Variants in MGAM2 observed in about 807,000 individuals in gnomAD.
MGAM2 encodes probable maltase-glucoamylase 2.
A neutral mutation model predicts 96.1 loss-of-function variants in MGAM2; 98 were observed. The ratio of observed to expected loss-of-function variants is 1.02; its 90% CI spans 0.87 to 1.21. The LOEUF is 1.21. Ranked by LOEUF, MGAM2 falls within the 50% of genes most tolerant of loss-of-function variation. The pLI, the probability that MGAM2 is intolerant of heterozygous loss-of-function variation, is 0.00. For missense variants in MGAM2, 2,055 were observed against 1,182.4 expected, an observed-to-expected ratio of 1.74 and a Z score of -10.82; for synonymous variants, 749 against 414.8, an observed-to-expected ratio of 1.81 and a Z score of -9.79.
rs1340500085 is a variant in MGAM2 at position 142,143,869 on chromosome 7, A to G, written c.1418A>G (p.Asp473Gly). 1 of 702,884 alleles carries G rather than the reference A, an allele frequency of 1.4e-6. No homozygotes were observed. Among genetic ancestry groups the G allele is most frequent in the East Asian group, 2.7e-5 (1 of 37,276 alleles). The allele number at this position is 702,884 out of a possible 1,614,324, so 43.5% of individuals were successfully genotyped here. The change falls in exon 13 of 48, where the codon GAT becomes GGT. Residue 473 changes from aspartate (D) to glycine (G), a missense_variant. Asp to Gly is a moderately conservative substitution (Grantham distance 94). Coordinates refer to ENST00000477922, the MANE Select transcript of MGAM2 (RefSeq NM_001293626.2). Reference sequence around the variant, plus strand: ...AAATTTCATGATCATCTGGAGTTTGATGGAGTGTGGATTGTAAGTTATTAT... The same window carrying G: ...AAATTTCATGATCATCTGGAGTTTGGTGGAGTGTGGATTGTAAGTTATTAT... ...VAKFHDHLEF[D>G]GVWIEMNEVS...
At chr7:142,217,999 G>A (rs548734394) in intron 46 of MGAM2, among the ~76,000 whole-genome samples, 3 of 152,170 alleles carry the variant, frequency 2.0e-5, no homozygotes, top group South Asian at 2.1e-4. Flanking sequence ...CAGGAGAATC[G>A]CTTAAACCCA....
rs60052742 is a variant in MGAM2, at chr7:142,188,109, AACACACACAC to A, written c.4207+308_4207+317del. Among the ~76,000 whole-genome samples, 1,047 of 143,656 alleles carry A rather than the reference AACACACACAC, an allele frequency of 7.3e-3. 11 individuals carry two copies. The highest frequency in any genetic ancestry group is 0.024 in the African/African-American group (928 of 38,542). The allele number at this position is 143,656 out of a possible 152,430, so 94.2% of individuals were successfully genotyped here. A position where few individuals can be genotyped will look rare whatever the true frequency, so the allele number is the denominator to read the frequency against. On this transcript the variant is annotated intron_variant, in intron 36 of 47. Coordinates refer to ENST00000477922, the MANE Select transcript of MGAM2 (RefSeq NM_001293626.2). Reference sequence around the variant, plus strand: ...TGCTAAAATTTTAAATAAACCCTTAAACACACACACACACACACACACACACACACACACA... The same window carrying A: ...TGCTAAAATTTTAAATAAACCCTTAAACACACACACACACACACACACACA...
At chr7:142,160,020 TTC>T (rs2129086194) in intron 20 of MGAM2, 112 bp from the exon 21 acceptor site, 2 of 586,448 alleles carry the variant, frequency 3.4e-6, no homozygotes, top group South Asian at 4.3e-5. Flanking sequence ...CACTTTGGGG[TTC>T]TCTGTTTGTC....
At chr7:142,157,060 G>A (rs1795755912) in intron 17 of MGAM2, among the ~76,000 whole-genome samples, 1 of 152,148 alleles carries the variant, frequency 6.6e-6, no homozygotes, top group African/African-American at 2.4e-5. Flanking sequence ...TAATCTTTGG[G>A]ATAGGGAAAA....
chr7:142,131,365 G>A (rs1342700626), intron 4 of MGAM2, among the ~76,000 whole-genome samples, 153 bp from the exon 5 acceptor site: 2 of 152,192 alleles, frequency 1.3e-5, no homozygotes, highest in East Asian at 3.8e-4. Context: ...TTGAACCTGG[G>A]AGGTGGAGGT....
At position 142,148,271 on chromosome 7, in the gene MGAM2, C is replaced by T. The variant is rs74223548; in HGVS notation, c.1634+698C>T. On this transcript the variant is annotated intron_variant, in intron 15 of 47. Transcript: ENST00000477922. The surrounding 1 kb of genome is among the most constrained non-coding windows in gnomAD (Gnocchi z 4.2). ...CAGTTATCACCACCATCCCCCCCACCACCACAATCACTATCACCATCACCA... is the reference window on the plus strand; with the variant it reads ...CAGTTATCACCACCATCCCCCCCACTACCACAATCACTATCACCATCACCA... Among the ~76,000 whole-genome samples, 33,822 of 151,306 alleles carry T rather than the reference C, an allele frequency of 0.22. 4,342 individuals carry two copies. Among genetic ancestry groups the T allele is most frequent in the Non-Finnish European group, 0.28 (18,767 of 67,704 alleles).
chr7:142,194,311 C>T (rs1057134363), intron 37 of MGAM2, among the ~76,000 whole-genome samples: 9 of 152,210 alleles, frequency 5.9e-5, no homozygotes, highest in African/African-American at 1.9e-4. Context: ...GGAATACAGG[C>T]GTGAGCCACT....
At chr7:142,182,550 G>C (rs377506655) in intron 32 of MGAM2, among the ~76,000 whole-genome samples, 1 of 152,160 alleles carries the variant, frequency 6.6e-6, no homozygotes, top group African/African-American at 2.4e-5. Flanking sequence ...GAACCTTCTC[G>C]TCTCCGCACA....
At chr7:142,135,828 GT>G (rs1795042623) in intron 7 of MGAM2, among the ~76,000 whole-genome samples, 1 of 150,666 alleles carries the variant, frequency 6.6e-6, no homozygotes, top group South Asian at 2.1e-4. Flanking sequence ...CTTTCTATCA[GT>G]TTTAAGCTTT....
At chr7:142,199,836 C>T in intron 44 of MGAM2, 44 bp from the exon 45 acceptor site, 1 of 656,530 alleles carries the variant, frequency 1.5e-6, no homozygotes, top group Non-Finnish European at 2.7e-6. Flanking sequence ...ATTCTTACAA[C>T]CTACAATCTA....
At chr7:142,136,742 C>A in intron 8 of MGAM2, 102 bp downstream of exon 8, 1 of 544,036 alleles carries the variant, frequency 1.8e-6, no homozygotes, top group South Asian at 2.6e-5. Flanking sequence ...GAACAGAAGG[C>A]ATTTTGAACC....
At chr7:142,191,171 A>C (rs1796857030) in intron 37 of MGAM2, among the ~76,000 whole-genome samples, 1 of 152,146 alleles carries the variant, frequency 6.6e-6, no homozygotes, top group African/African-American at 2.4e-5. Context: ...AATTCTTTAA[A>C]TATTCTAAAT....
In MGAM2 at chr7:142,138,637, A is replaced by G. The variant is rs1206420050; in HGVS notation, c.1056A>G (p.Val352=). 2 of 702,812 alleles carry G rather than the reference A, an allele frequency of 2.8e-6. No homozygotes were observed. Among genetic ancestry groups the G allele is most frequent in the Non-Finnish European group, 5.2e-6 (2 of 384,924 alleles). 43.5% of individuals were successfully genotyped at this position (702,812 alleles called of 1,614,324 possible). Residue 352 remains valine, a synonymous_variant, in exon 10 of 48, where the codon GTA becomes GTG. Coordinates refer to ENST00000477922, the MANE Select transcript of MGAM2 (RefSeq NM_001293626.2). ...GCATCAATAAATTGAAAGAAGTTGT[A>G]AGCCGAAATCGTTTAGCTGAGATAC... ...YGGINKLKEV[V]SRNRLAEIPY...
chr7:142,157,933 C>A lies in MGAM2; in HGVS notation c.1924-4C>A, dbSNP rs1214805035. 2.8e-6 allele frequency: 2 copies of A among 702,578 alleles called. No individual in the cohort carries two copies. The highest frequency in any genetic ancestry group is 3.0e-5 in the South Asian group (2 of 67,530). 43.5% of individuals were successfully genotyped at this position (702,578 alleles called of 1,614,324 possible). ...ATTCAGCCATTCCTTCCATTTTCTC[C>A]TAGGACCAGGATCCCGCTGCCTTTG... On this transcript the variant is annotated splice_polypyrimidine_tract_variant and splice_region_variant and intron_variant, in intron 17 of 47. Transcript: ENST00000477922.
chr7:142,180,880 T>C (rs1796516942), intron 32 of MGAM2, among the ~76,000 whole-genome samples: 1 of 152,218 alleles, frequency 6.6e-6, no homozygotes. Flanking sequence ...TCCCAGAAGT[T>C]GAGTTTAGGA....
intron 3 of MGAM2, 99 bp downstream of exon 3, chr7:142,120,480 GC>G (rs2129074284): frequency 1.7e-6 from 1 of 598,720 alleles, no homozygotes; most frequent in African/African-American, 1.8e-5. Flanking sequence ...TGGCTTCTGG[GC>G]CTCTGATTTG....
At chr7:142,123,627 A>G (rs1322973101) in intron 3 of MGAM2, among the ~76,000 whole-genome samples, 1 of 151,954 alleles carries the variant, frequency 6.6e-6, no homozygotes, top group Non-Finnish European at 1.5e-5. Context: ...TTTCTACTGA[A>G]CTGTTCATCT....
At chr7:142,137,779 C>G (rs1157693142) in intron 9 of MGAM2, among the ~76,000 whole-genome samples, 1 of 152,190 alleles carries the variant, frequency 6.6e-6, no homozygotes, top group Non-Finnish European at 1.5e-5. Flanking sequence ...AGACACCATC[C>G]TGCTTTCAAG....
chr7:142,210,898 T>G (rs1471605768), intron 46 of MGAM2, among the ~76,000 whole-genome samples: 1 of 152,192 alleles, frequency 6.6e-6, no homozygotes, highest in Admixed American at 6.5e-5. Context: ...GACAGGGAGA[T>G]ACCTCCCAGC....
Sources: gnomAD v4.1 joint callset for allele counts (sites outside exome capture counted in the v4.1 genomes callset) on GRCh38, gnomAD v4.1.1 for gene constraint, Gnocchi (gnomAD v3.1) non-coding constraint, MANE v1.5 for transcripts, NCBI Gene and HGNC (gene_info 2026-07-23, HGNC 2026-07-21) for gene names.